IRS1: variants seen among roughly 807,000 people sequenced by gnomAD.
IRS1 encodes the protein insulin receptor substrate 1.
A neutral mutation model predicts 65.6 loss-of-function variants in IRS1; 34 were observed. The observed-to-expected ratio is 0.52, with a 90% CI of 0.39 to 0.69. The LOEUF (loss-of-function observed/expected upper bound fraction) is 0.69, where lower values mean the gene tolerates loss of function less well. Among genes scored for constraint, IRS1 ranks in the 30% least tolerant of loss-of-function variants. IRS1 has a pLI of 0.00. For missense variants in IRS1, 1,641 were observed against 1,720.2 expected, an observed-to-expected ratio of 0.95 and a Z score of 0.81; for synonymous variants, 699 against 683.5, an observed-to-expected ratio of 1.02 and a Z score of -0.35.
chr2:226,733,141 T>C lies in IRS1; in HGVS notation c.*3131A>G, dbSNP rs558522823. On this transcript the variant is annotated 3_prime_UTR_variant, in exon 2 of 2. Transcript: ENST00000305123. ...GGTATATTGTATTCAAGATGCAAGA[T>C]TGAATAAAACAGGGCTTCAGTATTG... The C allele has an allele frequency of 1.3e-5, 2 of 152,344 alleles. No homozygotes were observed. The highest frequency in any genetic ancestry group is 4.8e-5 in the African/African-American group (2 of 41,572). The allele number at this position is 152,344 out of a possible 1,614,324, so 9.4% of individuals were successfully genotyped here. A position where few individuals can be genotyped will look rare whatever the true frequency, so the allele number is the denominator to read the frequency against.
Position 226,798,079 on chromosome 2 carries a change from G to A in IRS1, c.660C>T (p.Phe220=), listed in dbSNP as rs779887038. ...CAGAACGGCCCACCTCGATGAAGAA[G>A]AAGTTTTCCGAGTGGCCACAGCGCC... ...NIRRCGHSEN[F]FFIEVGRSAV... Residue 220 remains phenylalanine (F), a synonymous_variant, in exon 1 of 2, where the codon TTC becomes TTT. Transcript: ENST00000305123. The surrounding 1 kb of genome is among the most constrained non-coding windows in gnomAD (Gnocchi z 9.4). 3 of 1,614,080 alleles carry A rather than the reference G, an allele frequency of 1.9e-6. No individual in the cohort carries two copies. The highest frequency in any genetic ancestry group is 1.1e-5 in the South Asian group (1 of 91,082).
At chr2:226,791,725 G>T (rs1939609370) in intron 1 of IRS1, among the ~76,000 whole-genome samples, 2 of 151,952 alleles carry the variant, frequency 1.3e-5, no homozygotes, top group African/African-American at 2.4e-5. Context: ...ATTGGCTGTG[G>T]TGGGGGCCAA....
intron 1 of IRS1, among the ~76,000 whole-genome samples, chr2:226,785,539 G>C (rs1160817309): frequency 6.6e-6 from 1 of 152,184 alleles, no homozygotes; most frequent in African/African-American, 2.4e-5. Flanking sequence ...GGAGGCGAAG[G>C]TTGCAGTGAG....
chr2:226,793,565 A>G (rs1939650933), intron 1 of IRS1, among the ~76,000 whole-genome samples: 1 of 152,238 alleles, frequency 6.6e-6, no homozygotes, highest in African/African-American at 2.4e-5. Context: ...AAAATAGAGA[A>G]TTATATGGAT....
At position 226,799,125 on chromosome 2, in the gene IRS1, G is replaced by C. The variant is rs1045592233; in HGVS notation, c.-387C>G. ...GGAGGCGACAGTCGGGGGTCCCTGCGGTGCCCCTCCAGGAGCGCGCGCGCG... is the reference window on the plus strand; with the variant it reads ...GGAGGCGACAGTCGGGGGTCCCTGCCGTGCCCCTCCAGGAGCGCGCGCGCG... On this transcript the variant is annotated 5_prime_UTR_variant, in exon 1 of 2. Coordinates refer to ENST00000305123, the MANE Select transcript of IRS1 (RefSeq NM_005544.3). This position sits in a 1 kb window ranked among gnomAD's most constrained non-coding sequence, Gnocchi z 6.1. The C allele has an allele frequency of 1.7e-4, 201 of 1,165,958 alleles. No individual in the cohort carries two copies. Among genetic ancestry groups the C allele is most frequent in the Non-Finnish European group, 2.1e-4 (194 of 929,444 alleles). The allele number at this position is 1,165,958 out of a possible 1,614,324, so 72.2% of individuals were successfully genotyped here.
At chr2:226,791,978 G>T (rs1939620087) in intron 1 of IRS1, among the ~76,000 whole-genome samples, 1 of 152,186 alleles carries the variant, frequency 6.6e-6, no homozygotes, top group African/African-American at 2.4e-5. Flanking sequence ...ACCCGGAAAA[G>T]GGAAAGTGCC....
intron 1 of IRS1, among the ~76,000 whole-genome samples, chr2:226,757,444 A>C (rs1001038075): frequency 1.3e-5 from 2 of 151,650 alleles, no homozygotes; most frequent in African/African-American, 4.9e-5. Flanking sequence ...GTAAAAACCA[A>C]TCTCTACTAA....
intron 1 of IRS1, among the ~76,000 whole-genome samples, chr2:226,790,479 ATACC>A (rs1939569032): frequency 6.6e-6 from 1 of 152,246 alleles, no homozygotes; most frequent in South Asian, 2.1e-4. Context: ...CTATAAAAAG[ATACC>A]TAAACAATTG....
rs1215661160 is a variant in IRS1, at chr2:226,798,253, C to T, written c.486G>A (p.Glu162=). The change falls in exon 1 of 2, where the codon GAG becomes GAA. Residue 162 remains glutamate (E), a synonymous_variant. Coordinates refer to ENST00000305123, the MANE Select transcript of IRS1 (RefSeq NM_005544.3). This position sits in a 1 kb window ranked among gnomAD's most constrained non-coding sequence, Gnocchi z 9.4. ...TGGGCTTCAGGATCACTTGCCAGAC[C>T]TCTTTGAATGCGGGTCCTGGGGGCA... ...GDVPPGPAFK[E]VWQVILKPKG... 2 of 1,613,538 alleles carry T rather than the reference C, an allele frequency of 1.2e-6. No homozygotes were observed. The highest frequency in any genetic ancestry group is 2.2e-5 in the South Asian group (2 of 91,084).
intron 1 of IRS1, among the ~76,000 whole-genome samples, chr2:226,783,004 C>G (rs1939416774): frequency 6.6e-6 from 1 of 152,090 alleles, no homozygotes; most frequent in South Asian, 2.1e-4. Flanking sequence ...TGTCCCAAAA[C>G]AAAACAAAAC....
At chr2:226,771,800 C>T (rs531026939) in intron 1 of IRS1, among the ~76,000 whole-genome samples, 1 of 152,198 alleles carries the variant, frequency 6.6e-6, no homozygotes, top group South Asian at 2.1e-4. Flanking sequence ...ACTCCCCAGT[C>T]ATACTTTTAT....
At position 226,797,636 on chromosome 2, in the gene IRS1, G is replaced by T. The variant is rs755078884; in HGVS notation, c.1103C>A (p.Pro368Gln). ...RHRGSARLHP[P>Q]LNHSRSIPMP... Reference sequence around the variant, plus strand: ...GGGGATGGAGCGGCTGTGGTTGAGCGGGGGGTGCAGCCGGGCGCTGCCCCG... The same window carrying T: ...GGGGATGGAGCGGCTGTGGTTGAGCTGGGGGTGCAGCCGGGCGCTGCCCCG... Residue 368 changes from proline (P) to glutamine (Q), a missense_variant, in exon 1 of 2, where the codon CCG becomes CAG. By Grantham distance (76) the Pro-to-Gln change is moderately conservative. This residue lies in a region of IRS1 where 1,324 missense variants were observed against 1,361.0 expected (regional missense o/e 0.97). Coordinates refer to ENST00000305123, the MANE Select transcript of IRS1 (RefSeq NM_005544.3). The surrounding 1 kb of genome is among the most constrained non-coding windows in gnomAD (Gnocchi z 8.1). 9.4e-6 allele frequency: 15 copies of T among 1,588,836 alleles called. No individual in the cohort carries two copies. The highest frequency in any genetic ancestry group is 4.5e-5 in the South Asian group (4 of 88,516).
At position 226,797,598 on chromosome 2, in the gene IRS1, G is replaced by C. The variant is rs776939750; in HGVS notation, c.1141C>G (p.Arg381Gly). Residue 381 changes from arginine to glycine, a missense_variant, in exon 1 of 2, where the codon CGC becomes GGC. By Grantham distance (125) the Arg-to-Gly change is moderately radical (BLOSUM62 -2). Around this residue, in one of 3 missense-constraint regions of IRS1, gnomAD observed 1,324 missense variants for 1,361.0 expected, o/e 0.97. Transcript: ENST00000305123. The surrounding 1 kb of genome is among the most constrained non-coding windows in gnomAD (Gnocchi z 8.1). Reference sequence around the variant, plus strand: ...GGGCTGGTGGCCGAAGGCGAGCAGCGGGAAGCCGGCATGGGGATGGAGCGG... The same window carrying C: ...GGGCTGGTGGCCGAAGGCGAGCAGCCGGAAGCCGGCATGGGGATGGAGCGG... Reference protein sequence around the residue: ...HSRSIPMPASRCSPSATSPVS... With the variant: ...HSRSIPMPASGCSPSATSPVS... 6.3e-7 allele frequency: 1 copy of C among 1,589,132 alleles called. No homozygotes were observed. Among genetic ancestry groups the C allele is most frequent in the South Asian group, 1.1e-5 (1 of 87,752 alleles).
intron 1 of IRS1, among the ~76,000 whole-genome samples, chr2:226,768,654 C>A (rs1939102097): frequency 6.6e-6 from 1 of 152,114 alleles, no homozygotes; most frequent in Non-Finnish European, 1.5e-5. Context: ...TGTTACTAAA[C>A]CAATCTAAAT....
rs1939774774 is a variant in IRS1 at position 226,797,782 on chromosome 2, C to T, written c.957G>A (p.Gly319=). ...CGCGGACACGGAAGGAGCCTGGCTT[C>T]CCGCCCACCATGCTGGCCGGGGAGG... ...TATSPASMVG[G]KPGSFRVRAS... is the part of the protein sequence containing the mutation. Residue 319 remains glycine, a synonymous_variant, in exon 1 of 2, where the codon GGG becomes GGA. Transcript: ENST00000305123. The surrounding 1 kb of genome is among the most constrained non-coding windows in gnomAD (Gnocchi z 8.1). 1 of 1,595,414 alleles carries T rather than the reference C, an allele frequency of 6.3e-7. No individual in the cohort carries two copies.
At chr2:226,748,978 G>A (rs1938614953) in intron 1 of IRS1, among the ~76,000 whole-genome samples, 3 of 152,156 alleles carry the variant, frequency 2.0e-5, no homozygotes, top group Admixed American at 2.0e-4. Flanking sequence ...AGCTGCTGCA[G>A]GTCCCAGAGT....
chr2:226,758,776 G>T (rs1051008096), intron 1 of IRS1, among the ~76,000 whole-genome samples: 3 of 152,064 alleles, frequency 2.0e-5, no homozygotes, highest in African/African-American at 4.8e-5. Context: ...GAAGGGATGA[G>T]GTTAAATGAT....
chr2:226,796,753 G>T lies in IRS1; in HGVS notation c.1986C>A (p.Tyr662Ter), dbSNP rs138035227. Residue 662 changes from tyrosine (Y) to a stop codon, truncating the protein, a stop_gained, in exon 1 of 2, where the codon TAC (tyrosine) becomes TAA (stop). Transcript: ENST00000305123. LOFTEE classifies it high-confidence loss of function. ...AGCCACCGCTGGGGGACATCATCAT[G>T]TAGCCATTGGGGTCCACTCTCTGGG... ...RHPQRVDPNG[Y>*]MMMSPSGGCS... is the part of the protein sequence containing the mutation. 1 of 1,606,114 alleles carries T rather than the reference G, an allele frequency of 6.2e-7. No homozygotes were observed. The highest frequency in any genetic ancestry group is 8.5e-7 in the Non-Finnish European group (1 of 1,175,304).
intron 1 of IRS1, among the ~76,000 whole-genome samples, chr2:226,758,671 T>C (rs1176169588): frequency 6.6e-6 from 1 of 152,070 alleles, no homozygotes; most frequent in Non-Finnish European, 1.5e-5. Flanking sequence ...TTCTAAGATA[T>C]CTCTATGTGC....
Sources: allele counts gnomAD v4.1 joint callset (sites outside exome capture counted in the v4.1 genomes callset), GRCh38; gene constraint gnomAD v4.1.1; regional missense constraint gnomAD v4.1.1; non-coding constraint Gnocchi (gnomAD v3.1); transcripts MANE v1.5; gene names NCBI Gene and HGNC (gene_info 2026-07-23, HGNC 2026-07-21).